The following ANKRD27 variants were observed in gnomAD, a reference collection of about 807,000 sequenced individuals.
ANKRD27 encodes ankyrin repeat domain-containing protein 27.
ANKRD27 carries 112 observed loss-of-function variants against 129.7 expected under a neutral mutation model. The ratio of observed to expected loss-of-function variants is 0.86; its 90% CI spans 0.74 to 1.01. The LOEUF is 1.01. Among genes scored for constraint, ANKRD27 ranks in the 50% least tolerant of loss-of-function variants. The probability of loss-of-function intolerance (pLI) is 0.00; values close to 1 mark genes in which losing one functional copy is unlikely to be tolerated. For synonymous variants in ANKRD27, 516 were observed against 511.2 expected, an observed-to-expected ratio of 1.01 and a Z score of -0.13; for missense variants, 1,258 against 1,300.5, an observed-to-expected ratio of 0.97 and a Z score of 0.50.
At chr19:32,665,345 A>G (rs1967731078) in intron 1 of ANKRD27, among the ~76,000 whole-genome samples, 1 of 149,716 alleles carries the variant, frequency 6.7e-6, no homozygotes, top group African/African-American at 2.5e-5. Flanking sequence ...ACTAAAGTGC[A>G]GTGGCACAAT....
chr19:32,669,091 G>A (rs192759086), intron 1 of ANKRD27, among the ~76,000 whole-genome samples: 10 of 152,250 alleles, frequency 6.6e-5, no homozygotes, highest in Admixed American at 2.6e-4. Flanking sequence ...GGATTACAGC[G>A]TGAGCAACCA....
At chr19:32,625,779 A>G in intron 17 of ANKRD27, 95 bp downstream of exon 17, 1 of 1,104,200 alleles carries the variant, frequency 9.1e-7, no homozygotes, top group Non-Finnish European at 1.2e-6. Flanking sequence ...TGTTCCAATA[A>G]TTATCGACAC....
At chr19:32,664,537 A>G (rs1324693248) in intron 1 of ANKRD27, among the ~76,000 whole-genome samples, 2 of 151,052 alleles carry the variant, frequency 1.3e-5, no homozygotes, top group African/African-American at 4.9e-5. Flanking sequence ...AACTGCTTGA[A>G]CCCAGGAGGC....
intron 21 of ANKRD27, among the ~76,000 whole-genome samples, chr19:32,616,063 G>T (rs1182646830): frequency 6.6e-6 from 1 of 152,204 alleles, no homozygotes; most frequent in Non-Finnish European, 1.5e-5. Context: ...GCTGGGCGCA[G>T]TGGCTTATAG....
intron 12 of ANKRD27, chr19:32,637,759 G>T (rs932675520): frequency 5.9e-5 from 9 of 152,376 alleles, no homozygotes; most frequent in African/African-American, 2.2e-4. Flanking sequence ...GCCGCCGCAG[G>T]CTCGTAAGTG....
At chr19:32,605,255 TAGTCCC>T (rs1971714503) in intron 24 of ANKRD27, among the ~76,000 whole-genome samples, 1 of 152,044 alleles carries the variant, frequency 6.6e-6, no homozygotes, top group South Asian at 2.1e-4. Context: ...TATGTATCTG[TAGTCCC>T]AGTTAGCTGG....
At chr19:32,619,020 C>A (rs1468741858) in intron 20 of ANKRD27, among the ~76,000 whole-genome samples, 1 of 152,246 alleles carries the variant, frequency 6.6e-6, no homozygotes, top group Admixed American at 6.5e-5. Flanking sequence ...CGCACTCTAC[C>A]ACACTAATTG....
At chr19:32,644,282 C>T in intron 5 of ANKRD27, 43 bp downstream of exon 5, 1 of 1,595,484 alleles carries the variant, frequency 6.3e-7, no homozygotes, top group East Asian at 2.3e-5. Context: ...CTGCACTGAA[C>T]CGAGACAGGG....
chr19:32,618,902 C>T (rs184719966), intron 20 of ANKRD27, among the ~76,000 whole-genome samples: 11 of 152,288 alleles, frequency 7.2e-5, no homozygotes, highest in African/African-American at 2.2e-4. Context: ...CAGAGCGAGA[C>T]TCTTATCTCA....
intron 20 of ANKRD27, among the ~76,000 whole-genome samples, chr19:32,618,467 A>AAAAAAG (rs1971957000): frequency 6.6e-6 from 1 of 151,228 alleles, no homozygotes; most frequent in Non-Finnish European, 1.5e-5. Flanking sequence ...AAAAAAAAAA[A>AAAAAAG]AAAAAGAAAT....
intron 15 of ANKRD27, 146 bp downstream of exon 15, chr19:32,627,937 C>A: frequency 1.4e-6 from 1 of 721,758 alleles, no homozygotes; most frequent in East Asian, 2.5e-5. Flanking sequence ...CTCCTCTTCT[C>A]CTTCCGGCCC....
At position 32,673,982 on chromosome 19, in the gene ANKRD27, CAA is replaced by C. The variant is rs59398609; in HGVS notation, c.-31+1087_-31+1088del. On this transcript the variant is annotated intron_variant, in intron 1 of 28. Transcript: ENST00000306065. Reference sequence around the variant, plus strand: ...GGCAACCTGCTAGACTCCATCTCTACAAAAAAAAAAAAAAAAAATTAAAAATT... The same window carrying C: ...GGCAACCTGCTAGACTCCATCTCTACAAAAAAAAAAAAAAAATTAAAAATT... Among the ~76,000 whole-genome samples the C allele has an allele frequency of 1.8e-3, 200 of 110,942 alleles. 2 individuals are homozygous for C. The highest frequency in any genetic ancestry group is 6.1e-3 in the African/African-American group (173 of 28,468). 72.8% of individuals were successfully genotyped at this position (110,942 alleles called of 152,430 possible).
chr19:32,603,037 G>A (rs1398901195), intron 25 of ANKRD27, among the ~76,000 whole-genome samples: 4 of 152,122 alleles, frequency 2.6e-5, no homozygotes, highest in South Asian at 2.1e-4. Flanking sequence ...AGTGGCTCAC[G>A]TCTGTAATCC....
In ANKRD27 at chr19:32,628,822, C is replaced by T. The variant is rs1399943519; in HGVS notation, c.1237G>A (p.Val413Met). 6.2e-7 allele frequency: 1 copy of T among 1,614,194 alleles called. No homozygotes were observed. Among genetic ancestry groups the T allele is most frequent in the East Asian group, 2.2e-5 (1 of 44,884 alleles). The change falls in exon 14 of 29, where the codon GTG (valine) becomes ATG (methionine). Residue 413 changes from valine (V) to methionine (M), a missense_variant. Coordinates refer to ENST00000306065, the MANE Select transcript of ANKRD27 (RefSeq NM_032139.3). ...KHIASGNQKE[V>M]ERLLSQEDHD... The stretch of plus-strand genomic sequence containing the variant: ...TCCTCTTGGCTCAGAAGTCTCTCCA[C>T]TTCTTTCTGGTTACCTGATGCAATG...
chr19:32,612,302 C>T (rs1212721422), intron 22 of ANKRD27, among the ~76,000 whole-genome samples: 1 of 151,974 alleles, frequency 6.6e-6, no homozygotes, highest in African/African-American at 2.4e-5. Context: ...GTTATTTCTC[C>T]CCAGTTCATC....
Position 32,668,639 on chromosome 19 carries a change from AT to A in ANKRD27, c.-31+6431del, listed in dbSNP as rs376174705. ...AGGCATGAGCCACCATGCCTAGCTA[AT>A]TTTTTTTTTATTCTTTGTAGAGATG... On this transcript the variant is annotated intron_variant, in intron 1 of 28. Transcript: ENST00000306065. Among the ~76,000 whole-genome samples the A allele has an allele frequency of 3.5e-3, 521 of 148,524 alleles. 13 individuals are homozygous for A. In the South Asian group the frequency reaches 0.062, roughly 18 times the overall value.
intron 1 of ANKRD27, among the ~76,000 whole-genome samples, chr19:32,665,939 G>A (rs1207500431): frequency 6.6e-6 from 1 of 150,920 alleles, no homozygotes. Flanking sequence ...CTTTTTGTGT[G>A]TATTTTTTGG....
At chr19:32,606,539 T>G (rs1188893156) in intron 23 of ANKRD27, among the ~76,000 whole-genome samples, 1 of 38,628 alleles carries the variant, frequency 2.6e-5, no homozygotes, top group Non-Finnish European at 9.3e-5. Flanking sequence ...GCTGCGGGGC[T>G]GCTCTGTGCG....
At chr19:32,637,339 C>A (rs1967109669) in intron 12 of ANKRD27, 1 of 152,188 alleles carries the variant, frequency 6.6e-6, no homozygotes, top group African/African-American at 2.4e-5. Context: ...ACATTTTACT[C>A]ATTGGTATGT....
Sources: gnomAD v4.1 joint callset for allele counts (sites outside exome capture counted in the v4.1 genomes callset) on GRCh38, gnomAD v4.1.1 for gene constraint, MANE v1.5 for transcripts, NCBI Gene and HGNC (gene_info 2026-07-23, HGNC 2026-07-21) for gene names.